The following GPR149 variants were observed in gnomAD, a reference collection of about 807,000 sequenced individuals.
The protein encoded by GPR149 is G protein-coupled receptor 149.
In GPR149, 50 loss-of-function variants were observed where a neutral mutation model predicts 50.2. The ratio of observed to expected loss-of-function variants is 1.00; its 90% CI spans 0.79 to 1.26. The LOEUF is 1.26. Among genes scored for constraint, GPR149 ranks in the 50% most tolerant of loss-of-function variants. GPR149 has a pLI of 0.00. For missense variants in GPR149, 983 were observed against 895.4 expected (o/e 1.10, Z -1.25); for synonymous variants, 405 against 358.2 (o/e 1.13, Z -1.48).
chr3:154,364,617 A>G (rs2108397209), intron 3 of GPR149, among the ~76,000 whole-genome samples: 1 of 152,370 alleles, frequency 6.6e-6, no homozygotes, highest in Admixed American at 6.5e-5. Context: ...AGGCAAGAAG[A>G]AAGAAGTAAT....
rs577338571 is a variant in GPR149 at position 154,421,027 on chromosome 3, C to G, written c.1623+12G>C. 2 of 1,564,460 alleles carry G rather than the reference C, an allele frequency of 1.3e-6. No homozygotes were observed. Among genetic ancestry groups the G allele is most frequent in the East Asian group, 4.5e-5 (2 of 44,496 alleles). Reference sequence around the variant, plus strand: ...ACTTTCAATTTAACAGCAAGAACAACTTTTACTGTACCTGACGAGGGGTTC... The same window carrying G: ...ACTTTCAATTTAACAGCAAGAACAAGTTTTACTGTACCTGACGAGGGGTTC... On this transcript the variant is annotated intron_variant, in intron 3 of 3. Coordinates refer to ENST00000389740, the MANE Select transcript of GPR149 (RefSeq NM_001038705.3).
At chr3:154,400,212 T>A (rs1369841630) in intron 3 of GPR149, among the ~76,000 whole-genome samples, 1 of 151,976 alleles carries the variant, frequency 6.6e-6, no homozygotes, top group African/African-American at 2.4e-5. Flanking sequence ...GGTCTCAATC[T>A]CCTGACCTCG....
At chr3:154,355,742 C>T (rs925650757) in intron 3 of GPR149, among the ~76,000 whole-genome samples, 26 of 152,160 alleles carry the variant, frequency 1.7e-4, no homozygotes, top group African/African-American at 6.3e-4. Context: ...GATAAGCACT[C>T]ATTCAATTGG....
chr3:154,407,870 C>G (rs1362028679), intron 3 of GPR149, among the ~76,000 whole-genome samples: 1 of 152,062 alleles, frequency 6.6e-6, no homozygotes, highest in African/African-American at 2.4e-5. Flanking sequence ...ACTCTTGATT[C>G]TGGGGCCAGG....
At chr3:154,369,673 C>G (rs989938072) in intron 3 of GPR149, among the ~76,000 whole-genome samples, 2 of 152,242 alleles carry the variant, frequency 1.3e-5, no homozygotes, top group Admixed American at 6.5e-5. Flanking sequence ...CGTGCATGCC[C>G]CCTTCTCACT....
chr3:154,406,878 A>C (rs559063774), intron 3 of GPR149, among the ~76,000 whole-genome samples: 1 of 152,318 alleles, frequency 6.6e-6, no homozygotes, highest in East Asian at 1.9e-4. Context: ...CATACCTGAG[A>C]CTGGGTAATT....
chr3:154,367,759 CA>C (rs1714565008), intron 3 of GPR149, among the ~76,000 whole-genome samples: 1 of 152,100 alleles, frequency 6.6e-6, no homozygotes, highest in African/African-American at 2.4e-5. Context: ...GCCGCCCCAC[CA>C]AATCTTTGGC....
intron 3 of GPR149, among the ~76,000 whole-genome samples, chr3:154,369,273 C>T (rs1714607296): frequency 1.3e-5 from 2 of 152,190 alleles, no homozygotes; most frequent in Non-Finnish European, 2.9e-5. Flanking sequence ...CACTGCCTTG[C>T]CACAGTATTC....
chr3:154,362,021 A>G (rs1163449124), intron 3 of GPR149, among the ~76,000 whole-genome samples: 1 of 152,190 alleles, frequency 6.6e-6, no homozygotes, highest in Non-Finnish European at 1.5e-5. Context: ...ATATATAGCC[A>G]GATCTGAGAA....
intron 3 of GPR149, among the ~76,000 whole-genome samples, chr3:154,371,745 A>T (rs575667739): frequency 9.9e-4 from 151 of 152,334 alleles, no homozygotes; most frequent in African/African-American, 3.5e-3. Flanking sequence ...ATAAGAGAAC[A>T]AATAGAAAGT....
intron 3 of GPR149, among the ~76,000 whole-genome samples, chr3:154,339,641 A>G (rs1290173379): frequency 6.6e-6 from 1 of 152,112 alleles, no homozygotes; most frequent in East Asian, 1.9e-4. Flanking sequence ...CCTACTTGCT[A>G]TGGGCATTTT....
At chr3:154,365,580 T>C (rs1714511578) in intron 3 of GPR149, among the ~76,000 whole-genome samples, 1 of 152,180 alleles carries the variant, frequency 6.6e-6, no homozygotes, top group South Asian at 2.1e-4. Flanking sequence ...GAGCATTTTT[T>C]CTCTTCTCAC....
intron 3 of GPR149, among the ~76,000 whole-genome samples, chr3:154,393,291 T>C (rs1173591111): frequency 6.6e-6 from 1 of 151,944 alleles, no homozygotes; most frequent in Non-Finnish European, 1.5e-5. Context: ...TAAAAATCAA[T>C]TAAGGTAATA....
intron 3 of GPR149, among the ~76,000 whole-genome samples, chr3:154,354,979 C>G (rs1424254481): frequency 1.3e-5 from 2 of 152,040 alleles, no homozygotes; most frequent in Non-Finnish European, 1.5e-5. Flanking sequence ...GATTTTATGG[C>G]CAAAACGTAA....
chr3:154,420,742 C>T (rs146631367), intron 3 of GPR149, among the ~76,000 whole-genome samples: 54 of 151,848 alleles, frequency 3.6e-4, no homozygotes, highest in African/African-American at 1.1e-3. Context: ...ATGAGTTCTG[C>T]GAATCTAATC....
Position 154,430,139 on chromosome 3 carries a change from C to G in GPR149, c.-524G>C, listed in dbSNP as rs113281540. On this transcript the variant is annotated 5_prime_UTR_variant, in exon 1 of 4. Transcript: ENST00000389740. ...TTGAAGGTGGAGAGAGAGAGAGAGA[C>G]AGAGAGAGAGAGAGAGAGGGCGAGC... 0.026 allele frequency among the ~76,000 whole-genome samples: 3,787 copies of G among 147,368 alleles called. 140 individuals carry two copies. Among genetic ancestry groups the G allele is most frequent in the African/African-American group, 0.09 (3,622 of 40,104 alleles).
intron 3 of GPR149, among the ~76,000 whole-genome samples, chr3:154,380,681 A>C (rs1714902894): frequency 6.7e-6 from 1 of 148,162 alleles, no homozygotes; most frequent in Non-Finnish European, 1.5e-5. Context: ...AACTCTATAA[A>C]AGCATTTAAG....
intron 3 of GPR149, among the ~76,000 whole-genome samples, chr3:154,399,863 C>A (rs1463621231): frequency 6.6e-6 from 1 of 152,194 alleles, no homozygotes; most frequent in Non-Finnish European, 1.5e-5. Context: ...GAAATTTATT[C>A]ATTCAGTTAA....
At chr3:154,407,845 G>C (rs1001464769) in intron 3 of GPR149, among the ~76,000 whole-genome samples, 2 of 152,016 alleles carry the variant, frequency 1.3e-5, no homozygotes, top group Non-Finnish European at 2.9e-5. Context: ...AAAGGAACCA[G>C]AGCTCCTTGG....
Sources: allele counts gnomAD v4.1 joint callset (sites outside exome capture counted in the v4.1 genomes callset), GRCh38; gene constraint gnomAD v4.1.1; transcripts MANE v1.5; gene names NCBI Gene and HGNC (gene_info 2026-07-23, HGNC 2026-07-21).